SLC2A9: variants seen among roughly 807,000 people sequenced by gnomAD.
SLC2A9 encodes solute carrier family 2 member 9.
In SLC2A9, 39 loss-of-function variants were observed where a neutral mutation model predicts 50.6. The ratio of observed to expected loss-of-function variants is 0.77; its 90% CI spans 0.60 to 1.01. SLC2A9 has a LOEUF of 1.01. Among genes scored for constraint, SLC2A9 ranks in the 50% least tolerant of loss-of-function variants. SLC2A9 has a pLI of 0.00. For synonymous variants in SLC2A9, 324 were observed against 276.9 expected (o/e 1.17, Z -1.69); for missense variants, 686 against 677.6 (o/e 1.01, Z -0.14).
intron 2 of SLC2A9, among the ~76,000 whole-genome samples, chr4:10,013,410 C>T (rs1762093289): frequency 1.3e-5 from 2 of 152,156 alleles, no homozygotes; most frequent in Admixed American, 6.5e-5. Context: ...AGTTGGGTGG[C>T]CAGGAGGCAC....
chr4:9,937,090 G>A (rs964230777), intron 6 of SLC2A9, among the ~76,000 whole-genome samples: 1 of 152,186 alleles, frequency 6.6e-6, no homozygotes, highest in Non-Finnish European at 1.5e-5. Context: ...AAGGTTGCAC[G>A]GGAATGGCAC....
Position 9,826,519 on chromosome 4 carries a change from C to G in SLC2A9, c.1501G>C (p.Glu501Gln). The change falls in exon 12 of 12, where the codon GAG (glutamate) becomes CAG (glutamine). Residue 501 changes from glutamate (E) to glutamine (Q), a missense_variant. By Grantham distance (29) the Glu-to-Gln change is conservative (BLOSUM62 2). Transcript: ENST00000264784. ...TCTGCATAGGTTCTGTTTTTGGTCT[C>G]AGGCAGCACAAAATACAGGTAGATA... ...GAIYLYFVLP[E>Q]TKNRTYAEIS... The G allele has an allele frequency of 6.2e-7, 1 of 1,614,002 alleles. No individual in the cohort carries two copies.
chr4:9,800,907 G>A (rs1443962290), intron 3 of SLC2A9, among the ~76,000 whole-genome samples: 1 of 152,124 alleles, frequency 6.6e-6, no homozygotes, highest in South Asian at 2.1e-4. Context: ...AGGGACAACT[G>A]TATTTTGTTC....
chr4:9,813,563 G>A (rs1723159263), intron 3 of SLC2A9, among the ~76,000 whole-genome samples: 1 of 152,152 alleles, frequency 6.6e-6, no homozygotes, highest in South Asian at 2.1e-4. Context: ...AACATGTAAG[G>A]AGCACTTATG....
At chr4:9,815,313 A>T (rs1336718835) in intron 3 of SLC2A9, among the ~76,000 whole-genome samples, 1 of 152,210 alleles carries the variant, frequency 6.6e-6, no homozygotes, top group Non-Finnish European at 1.5e-5. Flanking sequence ...TGTCTAAAGA[A>T]TTGGGCTGAC....
intron 5 of SLC2A9, 39 bp from the exon 6 acceptor site, chr4:9,942,084 T>C: frequency 2.5e-6 from 4 of 1,613,012 alleles, no homozygotes; most frequent in Non-Finnish European, 3.4e-6. Context: ...CAGTGGCCTT[T>C]GGTCATTGTT....
At chr4:9,885,197 C>T (rs772609425) in intron 10 of SLC2A9, among the ~76,000 whole-genome samples, 4 of 152,094 alleles carry the variant, frequency 2.6e-5, no homozygotes, top group Admixed American at 6.5e-5. Context: ...AACATGTATC[C>T]CATGAAAAAA....
In SLC2A9 at chr4:9,952,847, A is replaced by G. The variant is rs565355527; in HGVS notation, c.682-10802T>C. On this transcript the variant is annotated intron_variant, in intron 5 of 11. Transcript: ENST00000264784. ...AGCCGTGCAAGAATGGCCAAATACA[A>G]TGTTTGATAAATAATAGAAATAACA... Among the ~76,000 whole-genome samples the G allele has an allele frequency of 2.0e-5, 3 of 152,328 alleles. No homozygotes were observed. The South Asian group carries it at 6.2e-4, about 32-fold the overall frequency.
chr4:9,997,034 C>T, intron 2 of SLC2A9, 93 bp from the exon 3 acceptor site: 1 of 1,375,974 alleles, frequency 7.3e-7, no homozygotes, highest in Non-Finnish European at 1.0e-6. Context: ...TTGTACAGAG[C>T]ATTTTCATGC....
intron 8 of SLC2A9, among the ~76,000 whole-genome samples, chr4:9,901,115 G>A (rs1739534496): frequency 6.6e-6 from 1 of 152,086 alleles, no homozygotes; most frequent in Non-Finnish European, 1.5e-5. Context: ...TCAGATCTGG[G>A]GATGCCACCC....
At chr4:9,994,088 G>A (rs866650639) in intron 3 of SLC2A9, among the ~76,000 whole-genome samples, 9 of 152,232 alleles carry the variant, frequency 5.9e-5, no homozygotes, top group Non-Finnish European at 1.5e-5. Context: ...AGGAATAACA[G>A]AGCATCAGGA....
At chr4:9,866,474 G>GAT (rs1560210558) in intron 10 of SLC2A9, among the ~76,000 whole-genome samples, 2 of 147,570 alleles carry the variant, frequency 1.4e-5, no homozygotes, top group African/African-American at 5.1e-5. Context: ...CTTCCTTCCT[G>GAT]CTCTCTTAGT....
intron 3 of SLC2A9, among the ~76,000 whole-genome samples, chr4:9,807,488 CCTGT>C (rs1722280565): frequency 6.6e-6 from 1 of 152,172 alleles, no homozygotes; most frequent in Admixed American, 6.5e-5. Flanking sequence ...ACAGACTCTT[CCTGT>C]CTGTTTATCA....
At chr4:9,882,401 TG>T (rs1005605837) in intron 10 of SLC2A9, among the ~76,000 whole-genome samples, 35 of 152,214 alleles carry the variant, frequency 2.3e-4, no homozygotes, top group African/African-American at 7.0e-4. Flanking sequence ...ATCTAGCATT[TG>T]CCTCTTAGCT....
At chr4:9,771,267 A>T (rs1716780024) in exon 2 of SLC2A9, 1 of 382,178 alleles carries the variant, frequency 2.6e-6, no homozygotes, top group Non-Finnish European at 4.6e-6. Context: ...GAAGGGTTTC[A>T]TATCTGGAGT....
At chr4:9,865,729 A>C (rs998116215) in intron 10 of SLC2A9, among the ~76,000 whole-genome samples, 2 of 152,172 alleles carry the variant, frequency 1.3e-5, no homozygotes, top group East Asian at 1.9e-4. Flanking sequence ...CTTTCTCTCG[A>C]TGCCACATGG....
At chr4:9,828,509 A>T (rs1725504890) in intron 11 of SLC2A9, among the ~76,000 whole-genome samples, 1 of 152,130 alleles carries the variant, frequency 6.6e-6, no homozygotes, top group South Asian at 2.1e-4. Flanking sequence ...AAGGCCACCG[A>T]CCATGTGTCC....
chr4:10,019,234 G>A (rs907531790), intron 1 of SLC2A9, 161 bp from the exon 2 acceptor site: 2 of 650,016 alleles, frequency 3.1e-6, no homozygotes, highest in Non-Finnish European at 5.5e-6. Flanking sequence ...TTGGGGACCT[G>A]CAAGTAGGGT....
At chr4:9,943,236 G>A (rs1748517744) in intron 5 of SLC2A9, among the ~76,000 whole-genome samples, 1 of 152,240 alleles carries the variant, frequency 6.6e-6, no homozygotes, top group Admixed American at 6.5e-5. Context: ...AGTGAGTGGG[G>A]AAGTGGCCTG....
Sources: allele counts gnomAD v4.1 joint callset (sites outside exome capture counted in the v4.1 genomes callset), GRCh38; gene constraint gnomAD v4.1.1; transcripts MANE v1.5; gene names NCBI Gene and HGNC (gene_info 2026-07-23, HGNC 2026-07-21).